The following CEACAM1 variants were observed in gnomAD, a reference collection of about 807,000 sequenced individuals.
CEACAM1 encodes cell adhesion molecule CEACAM1.
In CEACAM1, 31 loss-of-function variants were observed where a neutral mutation model predicts 49.1. The observed-to-expected ratio is 0.63, with a 90% CI of 0.47 to 0.85. The LOEUF (loss-of-function observed/expected upper bound fraction) is 0.85, where lower values mean the gene tolerates loss of function less well. Among genes scored for constraint, CEACAM1 ranks in the 40% least tolerant of loss-of-function variants. CEACAM1 has a pLI of 0.00. For missense variants in CEACAM1, 570 were observed against 645.3 expected (o/e 0.88, Z 1.26); for synonymous variants, 244 against 247.8 (o/e 0.98, Z 0.14).
chr19:42,513,271 G>A (rs1447911304), intron 5 of CEACAM1, among the ~76,000 whole-genome samples: 2 of 152,132 alleles, frequency 1.3e-5, no homozygotes, highest in African/African-American at 4.8e-5. Flanking sequence ...AATGGCTGGA[G>A]GACTCCCTGT....
At chr19:42,518,782 G>A (rs2041665450) in intron 5 of CEACAM1, 166 bp downstream of exon 5, 2 of 787,214 alleles carry the variant, frequency 2.5e-6, no homozygotes, top group Admixed American at 2.3e-5. Context: ...TTACAGGCGT[G>A]AGCCACTGTG....
At chr19:42,514,460 G>C (rs1406818211) in intron 5 of CEACAM1, among the ~76,000 whole-genome samples, 4 of 152,062 alleles carry the variant, frequency 2.6e-5, no homozygotes, top group African/African-American at 7.2e-5. Flanking sequence ...AATAATTTTT[G>C]TAGAGATAGG....
Position 42,512,254 on chromosome 19 carries a change from A to G in CEACAM1, c.1376+96T>C, listed in dbSNP as rs550117901. On this transcript the variant is annotated intron_variant, in intron 6 of 8. Coordinates refer to ENST00000161559, the MANE Select transcript of CEACAM1 (RefSeq NM_001712.5). ...GCAGGAGTTTAGTGGGAGGAGTATG[A>G]GATCCAGGCCCAGAGACAGGCAAAG... is the stretch of plus-strand genomic sequence containing the variant. 4.8e-4 allele frequency: 683 copies of G among 1,427,986 alleles called. 1 individual carries two copies. The highest frequency in any genetic ancestry group is 6.1e-4 in the Non-Finnish European group (631 of 1,031,404). 88.5% of individuals were successfully genotyped at this position (1,427,986 alleles called of 1,614,324 possible). A position where few individuals can be genotyped will look rare whatever the true frequency, so the allele number is the denominator to read the frequency against.
At chr19:42,517,542 A>G (rs1165795145) in intron 5 of CEACAM1, among the ~76,000 whole-genome samples, 3 of 152,266 alleles carry the variant, frequency 2.0e-5, no homozygotes, top group Non-Finnish European at 4.4e-5. Context: ...TCTCCAAAGA[A>G]GATAAATGGC....
At chr19:42,527,573 TGA>T (rs2041927913) in intron 1 of CEACAM1, among the ~76,000 whole-genome samples, 173 bp from the exon 2 acceptor site, 1 of 150,558 alleles carries the variant, frequency 6.6e-6, no homozygotes. Context: ...GTCAGCAGTG[TGA>T]CTCCCATTCC....
intron 5 of CEACAM1, among the ~76,000 whole-genome samples, chr19:42,515,528 G>A (rs1292363181): frequency 6.6e-6 from 1 of 152,060 alleles, no homozygotes; most frequent in Non-Finnish European, 1.5e-5. Context: ...ACAAAAATTA[G>A]CCGGAGGTGG....
At position 42,521,480 on chromosome 19, in the gene CEACAM1, A is replaced by G. The variant is rs1287742788; in HGVS notation, c.745T>C (p.Tyr249His). 1 of 1,614,152 alleles carries G rather than the reference A, an allele frequency of 6.2e-7. No individual in the cohort carries two copies. Among genetic ancestry groups the G allele is most frequent in the Non-Finnish European group, 8.5e-7 (1 of 1,180,022 alleles). The change falls in exon 4 of 9, where the codon TAC (tyrosine) becomes CAC (histidine). Residue 249 changes from tyrosine (Y) to histidine (H), a missense_variant. Tyr to His is a moderately conservative substitution (Grantham distance 83). Coordinates refer to ENST00000161559, the MANE Select transcript of CEACAM1 (RefSeq NM_001712.5). ...AGGCTGAGGTTTGCCCCTGGACGGT[A>G]ATAGGTGTCTGAAGGGGAAATGGTG... is the stretch of plus-strand genomic sequence containing the variant. ...TPTISPSDTY[Y>H]RPGANLSLSC...
chr19:42,525,822 C>T (rs563540046), intron 2 of CEACAM1: 1 of 152,276 alleles, frequency 6.6e-6, no homozygotes, highest in African/African-American at 2.4e-5. Flanking sequence ...CCATGTGGCT[C>T]AGTTTCCCCT....
chr19:42,513,922 T>TATAA (rs2041531689), intron 5 of CEACAM1, among the ~76,000 whole-genome samples: 1 of 124,872 alleles, frequency 8.0e-6, no homozygotes, highest in African/African-American at 4.1e-5. Flanking sequence ...ATATATAATA[T>TATAA]ATAAATAATA....
rs899098806 is a variant in CEACAM1, at chr19:42,512,334, G to A, written c.1376+16C>T. 1.2e-6 allele frequency: 2 copies of A among 1,613,906 alleles called. No individual in the cohort carries two copies. Among genetic ancestry groups the A allele is most frequent in the Non-Finnish European group, 1.7e-6 (2 of 1,179,818 alleles). ...CAGCCTTGGAGGAAACAGAACAAGA[G>A]GAAAGGCCATCATACCTGCCGGTCT... On this transcript the variant is annotated intron_variant, in intron 6 of 8. Transcript: ENST00000161559.
chr19:42,526,960 G>T, intron 2 of CEACAM1, 81 bp downstream of exon 2: 1 of 1,559,890 alleles, frequency 6.4e-7, no homozygotes, highest in Non-Finnish European at 8.6e-7. Context: ...GAGGACACAG[G>T]CACAGCCCAG....
intron 8 of CEACAM1, 22 bp downstream of exon 8, chr19:42,510,867 C>G (rs1266719400): frequency 1.2e-6 from 2 of 1,602,898 alleles, no homozygotes; most frequent in African/African-American, 2.7e-5. Context: ...AAAATAAGCC[C>G]ATGAAAACCG....
chr19:42,516,897 CA>C (rs563641508), intron 5 of CEACAM1: 8 of 422,832 alleles, frequency 1.9e-5, no homozygotes, highest in Admixed American at 5.7e-5. Flanking sequence ...CAAAACAAAA[CA>C]AAAAAACCCA....
chr19:42,521,779 C>T (rs1293063037), intron 3 of CEACAM1, 145 bp downstream of exon 3: 2 of 1,553,372 alleles, frequency 1.3e-6, no homozygotes, highest in South Asian at 1.2e-5. Flanking sequence ...CCCAGGTTTG[C>T]CTGGGGAAAG....
chr19:42,510,837 C>T, intron 8 of CEACAM1, 52 bp downstream of exon 8: 1 of 1,522,756 alleles, frequency 6.6e-7, no homozygotes, highest in Non-Finnish European at 9.1e-7. Flanking sequence ...ATCAATTCTA[C>T]ACAGAATCAT....
intron 4 of CEACAM1, among the ~76,000 whole-genome samples, chr19:42,519,973 G>T (rs1291716288): frequency 6.6e-6 from 1 of 152,072 alleles, no homozygotes; most frequent in Non-Finnish European, 1.5e-5. Flanking sequence ...TAATTTTTTA[G>T]GGAATGATGA....
At chr19:42,528,253 C>T in intron 1 of CEACAM1, 58 bp downstream of exon 1, 1 of 1,505,494 alleles carries the variant, frequency 6.6e-7, no homozygotes. Flanking sequence ...CCCCAGAGGA[C>T]CCTAGCCATT....
intron 2 of CEACAM1, among the ~76,000 whole-genome samples, chr19:42,523,004 A>G (rs369887855): frequency 1.2e-4 from 19 of 152,216 alleles, no homozygotes; most frequent in African/African-American, 4.1e-4. Flanking sequence ...TCAAGTGTGA[A>G]CTGAGCAGCA....
intron 2 of CEACAM1, among the ~76,000 whole-genome samples, chr19:42,522,975 G>A (rs1195183669): frequency 6.6e-6 from 1 of 152,234 alleles, no homozygotes; most frequent in Non-Finnish European, 1.5e-5. Context: ...TGCTCTGTGT[G>A]AGAGAAGCAC....
Sources: gnomAD v4.1 joint callset for allele counts (sites outside exome capture counted in the v4.1 genomes callset) on GRCh38, gnomAD v4.1.1 for gene constraint, MANE v1.5 for transcripts, NCBI Gene and HGNC (gene_info 2026-07-23, HGNC 2026-07-21) for gene names.